KCNMA1: variants seen among roughly 807,000 people sequenced by gnomAD.
The protein encoded by KCNMA1 is Calcium-activated potassium channel subunit alpha-1.
A neutral mutation model predicts 140.0 loss-of-function variants in KCNMA1; 29 were observed. That is an observed-to-expected ratio of 0.21 (90% CI 0.15 to 0.28). The LOEUF (loss-of-function observed/expected upper bound fraction) is 0.28, where lower values mean the gene tolerates loss of function less well. Among genes scored for constraint, KCNMA1 ranks in the 10% least tolerant of loss-of-function variants. KCNMA1 has a pLI of 1.00. For synonymous variants in KCNMA1, 612 were observed against 611.9 expected (o/e 1.00, Z 0.00); for missense variants, 880 against 1,602.2 (o/e 0.55, Z 7.70).
chr10:77,144,954 G>A (rs760556042), intron 5 of KCNMA1, among the ~76,000 whole-genome samples: 12 of 152,164 alleles, frequency 7.9e-5, no homozygotes, highest in Admixed American at 2.0e-4. Context: ...TAAAGAAAAC[G>A]ATGTTTGCAA....
At chr10:76,951,859 A>C (rs1296251588) in intron 21 of KCNMA1, among the ~76,000 whole-genome samples, 1 of 152,100 alleles carries the variant, frequency 6.6e-6, no homozygotes, top group Non-Finnish European at 1.5e-5. Flanking sequence ...CTGCTAGAAC[A>C]CAAAGAGATA....
intron 2 of KCNMA1, among the ~76,000 whole-genome samples, chr10:77,359,339 A>C (rs2093756113): frequency 6.6e-6 from 1 of 152,124 alleles, no homozygotes; most frequent in Non-Finnish European, 1.5e-5. Flanking sequence ...CAGTGCTGCC[A>C]CCGCTGCTGC....
At chr10:77,110,841 G>A (rs1359971072) in intron 7 of KCNMA1, among the ~76,000 whole-genome samples, 1 of 152,120 alleles carries the variant, frequency 6.6e-6, no homozygotes, top group African/African-American at 2.4e-5. Flanking sequence ...AGTATATATG[G>A]GCCCTGCTTA....
At chr10:77,064,024 G>C in intron 14 of KCNMA1, 3 of 985,204 alleles carry the variant, frequency 3.0e-6, no homozygotes, top group Non-Finnish European at 3.6e-6. Flanking sequence ...GCCGCTTCTC[G>C]GGCCCCATCC....
chr10:77,547,206 C>T (rs567385139), intron 1 of KCNMA1, among the ~76,000 whole-genome samples: 2 of 152,142 alleles, frequency 1.3e-5, no homozygotes, highest in South Asian at 2.1e-4. Flanking sequence ...AGATGAGCTA[C>T]GAAAATTTCC....
At chr10:77,322,054 G>A (rs1378905688) in intron 2 of KCNMA1, among the ~76,000 whole-genome samples, 3 of 152,170 alleles carry the variant, frequency 2.0e-5, no homozygotes, top group African/African-American at 4.8e-5. Flanking sequence ...CTCCAACACA[G>A]CTTCCTTTAA....
At chr10:77,212,133 A>C (rs886659935) in intron 3 of KCNMA1, among the ~76,000 whole-genome samples, 5 of 152,210 alleles carry the variant, frequency 3.3e-5, no homozygotes, top group Non-Finnish European at 7.3e-5. Flanking sequence ...TATACCAAAA[A>C]AACACATGCA....
intron 25 of KCNMA1, among the ~76,000 whole-genome samples, chr10:76,908,192 CT>C (rs1306489980): frequency 6.6e-6 from 1 of 152,194 alleles, no homozygotes; most frequent in Non-Finnish European, 1.5e-5. Context: ...AGAATATGGT[CT>C]TCTTAGGAAC....
intron 1 of KCNMA1, among the ~76,000 whole-genome samples, chr10:77,633,873 A>G (rs1035285824): frequency 6.6e-6 from 1 of 152,218 alleles, no homozygotes; most frequent in African/African-American, 2.4e-5. Flanking sequence ...AGTAGACCAC[A>G]TGCTGGAAGA....
intron 5 of KCNMA1, among the ~76,000 whole-genome samples, chr10:77,124,977 AGGAAG>A (rs750775321): frequency 5.3e-5 from 8 of 152,192 alleles, no homozygotes; most frequent in Non-Finnish European, 1.0e-4. Flanking sequence ...ACATGGTGGC[AGGAAG>A]GAGAAGTGTT....
Position 76,885,900 on chromosome 10 carries a change from C to G in KCNMA1, c.*1366G>C. The G allele has an allele frequency of 1.0e-6, 1 of 985,396 alleles. No homozygotes were observed. The highest frequency in any genetic ancestry group is 1.2e-6 in the Non-Finnish European group (1 of 829,896). The allele number at this position is 985,396 out of a possible 1,614,324, so 61.0% of individuals were successfully genotyped here. Reference sequence around the variant, plus strand: ...CCAAAATGTGTTTGGCTCACTGTTGCACTCTTCTTATCCCACGTCTCATAA... The same window carrying G: ...CCAAAATGTGTTTGGCTCACTGTTGGACTCTTCTTATCCCACGTCTCATAA... On this transcript the variant is annotated 3_prime_UTR_variant, in exon 28 of 28. Coordinates refer to ENST00000286628, the MANE Select transcript of KCNMA1 (RefSeq NM_001161352.2).
intron 2 of KCNMA1, among the ~76,000 whole-genome samples, chr10:77,324,897 G>A (rs2154358803): frequency 6.7e-6 from 1 of 148,802 alleles, no homozygotes; most frequent in East Asian, 2.0e-4. Flanking sequence ...TATCAAGGAA[G>A]GAGCTGGAGA....
intron 1 of KCNMA1, among the ~76,000 whole-genome samples, chr10:77,465,305 CCAGT>C (rs2097968946): frequency 6.6e-6 from 1 of 152,172 alleles, no homozygotes. Context: ...CCCAGGGGCA[CCAGT>C]CAGTCTACAG....
intron 5 of KCNMA1, among the ~76,000 whole-genome samples, chr10:77,143,544 A>T (rs1026035117): frequency 6.6e-6 from 1 of 152,198 alleles, no homozygotes; most frequent in Non-Finnish European, 1.5e-5. Context: ...CTACAAAGGG[A>T]AAGAAATCAG....
intron 15 of KCNMA1, chr10:77,039,035 T>C (rs970936634): frequency 5.2e-6 from 1 of 190,954 alleles, no homozygotes; most frequent in Admixed American, 5.4e-5. Flanking sequence ...AAGGCCTCCT[T>C]CTGTATATTT....
intron 3 of KCNMA1, among the ~76,000 whole-genome samples, chr10:77,190,499 G>A (rs1423002310): frequency 6.6e-6 from 1 of 152,156 alleles, no homozygotes; most frequent in Non-Finnish European, 1.5e-5. Flanking sequence ...CCTTCTTGGA[G>A]AGGAAGAGGA....
rs530301825 is a variant in KCNMA1 at position 76,986,366 on chromosome 10, T to C, written c.2266+15041A>G. Reference sequence around the variant, plus strand: ...GTCTAAGCTGGGTAAGGCACATGTGTGAAGAGAACCAAATGTCACAATGCT... The same window carrying C: ...GTCTAAGCTGGGTAAGGCACATGTGCGAAGAGAACCAAATGTCACAATGCT... On this transcript the variant is annotated intron_variant, in intron 19 of 27. Coordinates refer to ENST00000286628, the MANE Select transcript of KCNMA1 (RefSeq NM_001161352.2). 4.6e-5 allele frequency among the ~76,000 whole-genome samples: 7 copies of C among 152,332 alleles called. No individual in the cohort carries two copies. In the South Asian group the frequency reaches 1.4e-3, roughly 32 times the overall value.
intron 20 of KCNMA1, among the ~76,000 whole-genome samples, chr10:76,958,948 C>T (rs1287589840): frequency 6.6e-6 from 1 of 152,136 alleles, no homozygotes; most frequent in Non-Finnish European, 1.5e-5. Context: ...CCCCGGCTGC[C>T]CTTCTTGAAT....
At chr10:77,179,146 C>T (rs1169411108) in intron 5 of KCNMA1, among the ~76,000 whole-genome samples, 1 of 152,142 alleles carries the variant, frequency 6.6e-6, no homozygotes, top group African/African-American at 2.4e-5. Flanking sequence ...CTCGGTGAAT[C>T]CCTATGAGGT....
Sources: allele counts gnomAD v4.1 joint callset (sites outside exome capture counted in the v4.1 genomes callset), GRCh38; gene constraint gnomAD v4.1.1; transcripts MANE v1.5; gene names NCBI Gene and HGNC (gene_info 2026-07-23, HGNC 2026-07-21).